RIMS2: variants seen among roughly 807,000 people sequenced by gnomAD.
RIMS2 encodes the protein regulating synaptic membrane exocytosis protein 2.
Under a neutral mutation model 174.4 loss-of-function variants are expected in RIMS2, and 59 were observed. The observed-to-expected ratio is 0.34, with a 90% confidence interval of 0.27 to 0.42. The LOEUF is 0.42. RIMS2 is among the 10% of genes least tolerant of loss of function. The pLI is 1.00. For missense variants in RIMS2, 1,620 were observed against 1,666.3 expected (o/e 0.97, Z 0.48); for synonymous variants, 606 against 572.5 (o/e 1.06, Z -0.84).
intron 1 of RIMS2, among the ~76,000 whole-genome samples, chr8:103,623,794 A>AGT (rs1287065519): frequency 2.7e-5 from 4 of 147,654 alleles, no homozygotes; most frequent in African/African-American, 9.9e-5. Flanking sequence ...CGGTCTCTTC[A>AGT]TTTTTTTTTT....
intron 19 of RIMS2, among the ~76,000 whole-genome samples, chr8:104,105,265 C>T (rs937909852): frequency 1.3e-5 from 2 of 152,004 alleles, no homozygotes; most frequent in African/African-American, 2.4e-5. Context: ...ATTTAAACTT[C>T]TAAATAAAAG....
chr8:103,531,360 T>C (rs1290053937), intron 1 of RIMS2, among the ~76,000 whole-genome samples: 1 of 152,178 alleles, frequency 6.6e-6, no homozygotes, highest in African/African-American at 2.4e-5. Context: ...AATAAGAAGA[T>C]TCTTATATAT....
At chr8:104,193,825 T>G (rs2136507479) in intron 19 of RIMS2, among the ~76,000 whole-genome samples, 1 of 152,348 alleles carries the variant, frequency 6.6e-6, no homozygotes, top group South Asian at 2.1e-4. Flanking sequence ...TTGCTCATTT[T>G]TATTGGGGTT....
At chr8:103,807,202 A>G (rs994255721) in intron 3 of RIMS2, among the ~76,000 whole-genome samples, 1 of 149,402 alleles carries the variant, frequency 6.7e-6, no homozygotes, top group Non-Finnish European at 1.5e-5. Flanking sequence ...ATGAGAGCCA[A>G]CAAAAGACAC....
chr8:103,509,783 TGAA>T (rs1825565911), intron 1 of RIMS2, among the ~76,000 whole-genome samples: 1 of 152,066 alleles, frequency 6.6e-6, no homozygotes, highest in Non-Finnish European at 1.5e-5. Flanking sequence ...CCTACAAAAT[TGAA>T]GACAACTAGA....
At chr8:104,036,353 A>G (rs1449092648) in intron 19 of RIMS2, among the ~76,000 whole-genome samples, 1 of 150,918 alleles carries the variant, frequency 6.6e-6, no homozygotes, top group African/African-American at 2.4e-5. Flanking sequence ...GGGTTTCACC[A>G]TGTTAGCCAG....
intron 1 of RIMS2, among the ~76,000 whole-genome samples, chr8:103,524,463 T>C (rs2130637771): frequency 6.6e-6 from 1 of 152,250 alleles, no homozygotes; most frequent in East Asian, 1.9e-4. Context: ...ACGGAATCAA[T>C]TGCCAAAAGT....
chr8:103,641,928 C>T (rs757084942), intron 1 of RIMS2, among the ~76,000 whole-genome samples: 46 of 152,082 alleles, frequency 3.0e-4, no homozygotes, highest in Non-Finnish European at 6.3e-4. Flanking sequence ...TTATAAATTA[C>T]CCAGCCTAAT....
At chr8:104,083,754 A>C (rs1349403122) in intron 19 of RIMS2, among the ~76,000 whole-genome samples, 1 of 152,188 alleles carries the variant, frequency 6.6e-6, no homozygotes, top group Non-Finnish European at 1.5e-5. Context: ...TGTATGTATC[A>C]GAATATTATT....
At chr8:104,088,766 G>T (rs554901734) in intron 19 of RIMS2, among the ~76,000 whole-genome samples, 1 of 152,026 alleles carries the variant, frequency 6.6e-6, no homozygotes, top group East Asian at 1.9e-4. Flanking sequence ...AACTTCAAAT[G>T]AGTACTGGAG....
intron 3 of RIMS2, among the ~76,000 whole-genome samples, chr8:103,876,886 A>T (rs1402160056): frequency 5.7e-5 from 3 of 52,230 alleles, no homozygotes; most frequent in African/African-American, 1.8e-4. Context: ...ATATATATAT[A>T]TATATATATA....
At chr8:104,075,378 G>C (rs2154562211) in intron 19 of RIMS2, among the ~76,000 whole-genome samples, 1 of 152,314 alleles carries the variant, frequency 6.6e-6, no homozygotes, top group East Asian at 1.9e-4. Flanking sequence ...GCAATCTACT[G>C]TTTCATGAAC....
intron 1 of RIMS2, among the ~76,000 whole-genome samples, chr8:103,646,977 G>T (rs1325844504): frequency 2.0e-5 from 3 of 152,054 alleles, no homozygotes. Context: ...GCTTTTTCAT[G>T]TATGGCTCTT....
chr8:103,744,281 C>T (rs13255680), intron 2 of RIMS2, among the ~76,000 whole-genome samples: 17,629 of 151,692 alleles, frequency 0.12, 1,354 homozygotes, highest in Non-Finnish European at 0.17. Context: ...CTTGACCTTG[C>T]GATCCACCCA....
intron 12 of RIMS2, 110 bp downstream of exon 14, chr8:103,931,503 T>C: frequency 1.4e-6 from 1 of 697,266 alleles, no homozygotes; most frequent in Admixed American, 3.7e-5. Flanking sequence ...GTGAGATATG[T>C]GAAGTTTAAC....
At chr8:103,608,289 G>T (rs182730294) in intron 1 of RIMS2, among the ~76,000 whole-genome samples, 2 of 143,554 alleles carry the variant, frequency 1.4e-5, no homozygotes, top group Non-Finnish European at 3.1e-5. Flanking sequence ...CTGCTGGGGG[G>T]TGCCTCCCAG....
chr8:104,226,147 C>A (rs1242971219), intron 19 of RIMS2, among the ~76,000 whole-genome samples: 2 of 152,142 alleles, frequency 1.3e-5, no homozygotes, highest in Non-Finnish European at 2.9e-5. Flanking sequence ...TAAAGAAAAT[C>A]CATCCCACTG....
At chr8:104,080,651 T>A (rs1389041359) in intron 19 of RIMS2, among the ~76,000 whole-genome samples, 1 of 152,066 alleles carries the variant, frequency 6.6e-6, no homozygotes, top group African/African-American at 2.4e-5. Flanking sequence ...ACCATTCACA[T>A]CTATAACTTC....
intron 19 of RIMS2, among the ~76,000 whole-genome samples, chr8:104,209,853 T>A (rs2137604100): frequency 6.6e-6 from 1 of 152,268 alleles, no homozygotes; most frequent in Non-Finnish European, 1.5e-5. Context: ...ACTTGAGTAG[T>A]AGAAAAAGCT....
Sources: allele counts gnomAD v4.1 joint callset (sites outside exome capture counted in the v4.1 genomes callset), GRCh38; gene constraint gnomAD v4.1.1; transcripts MANE v1.5; gene names NCBI Gene and HGNC (gene_info 2026-07-23, HGNC 2026-07-21).